Variants in CAB39L observed in about 807,000 individuals in gnomAD.
The protein encoded by CAB39L is calcium-binding protein 39-like.
Under a neutral mutation model 39.1 loss-of-function variants are expected in CAB39L, and 23 were observed. That is an observed-to-expected ratio of 0.59 (90% confidence interval 0.42 to 0.83). The LOEUF is 0.83. CAB39L is among the 40% of genes least tolerant of loss of function. The pLI is 0.00. For missense variants in CAB39L, 366 were observed against 391.9 expected, an observed-to-expected ratio of 0.93 and a Z score of 0.56; for synonymous variants, 126 against 137.2, an observed-to-expected ratio of 0.92 and a Z score of 0.57.
At chr13:49,410,464 T>C (rs927098341) in intron 3 of CAB39L, among the ~76,000 whole-genome samples, 5 of 152,162 alleles carry the variant, frequency 3.3e-5, no homozygotes, top group Admixed American at 6.6e-5. Flanking sequence ...ATACAAAAAT[T>C]TTATGTTGGA....
chr13:49,386,151 C>CA (rs1289627356), intron 3 of CAB39L, among the ~76,000 whole-genome samples: 3 of 152,134 alleles, frequency 2.0e-5, no homozygotes, highest in African/African-American at 7.2e-5. Context: ...GACATCAAAA[C>CA]AGAGTACAAA....
At chr13:49,434,860 G>T (rs946607775) in intron 1 of CAB39L, among the ~76,000 whole-genome samples, 2 of 151,206 alleles carry the variant, frequency 1.3e-5, no homozygotes, top group Admixed American at 1.3e-4. Context: ...TTTGTGTGTG[G>T]TTATGTCACC....
intron 3 of CAB39L, among the ~76,000 whole-genome samples, chr13:49,424,174 G>A (rs1201993292): frequency 6.6e-6 from 1 of 152,126 alleles, no homozygotes; most frequent in African/African-American, 2.4e-5. Flanking sequence ...ATGAAAAGAG[G>A]GGTAATGGAA....
intron 10 of CAB39L, among the ~76,000 whole-genome samples, chr13:49,329,541 AAAAATATATAT>A (rs1469639945): frequency 2.2e-4 from 8 of 36,488 alleles, no homozygotes; most frequent in Non-Finnish European, 2.7e-4. Flanking sequence ...AATTAAAAAA[AAAAATATATAT>A]ATATATATAT....
intron 3 of CAB39L, among the ~76,000 whole-genome samples, 161 bp from the exon 4 acceptor site, chr13:49,383,102 T>C (rs1203351427): frequency 1.3e-5 from 2 of 152,084 alleles, no homozygotes; most frequent in Non-Finnish European, 2.9e-5. Flanking sequence ...CAAATTTAAA[T>C]ACATATATTT....
chr13:49,349,793 T>C (rs2138463246), intron 7 of CAB39L, among the ~76,000 whole-genome samples: 1 of 152,248 alleles, frequency 6.6e-6, no homozygotes, highest in East Asian at 1.9e-4. Context: ...TTTGCCATTA[T>C]TGAAAAATGA....
chr13:49,409,460 A>C (rs901850995), intron 3 of CAB39L, among the ~76,000 whole-genome samples: 1 of 152,068 alleles, frequency 6.6e-6, no homozygotes, highest in Non-Finnish European at 1.5e-5. Flanking sequence ...TAAAAAAAAA[A>C]AAAAAACCTT....
intron 7 of CAB39L, among the ~76,000 whole-genome samples, chr13:49,346,091 T>TGCTAGATATATATATATAC (rs1955151993): frequency 1.2e-5 from 1 of 86,790 alleles, no homozygotes; most frequent in African/African-American, 4.3e-5. Context: ...TATATATATA[T>TGCTAGATATATATATATAC]ATATGCTAGA....
chr13:49,331,920 A>G, intron 10 of CAB39L, 27 bp downstream of exon 10: 1 of 1,610,688 alleles, frequency 6.2e-7, no homozygotes, highest in Non-Finnish European at 8.5e-7. Context: ...TGCCTACAAC[A>G]TTGTTTCCAG....
chr13:49,423,264 G>A (rs1957198849), intron 3 of CAB39L, among the ~76,000 whole-genome samples: 3 of 152,208 alleles, frequency 2.0e-5, no homozygotes, highest in African/African-American at 7.2e-5. Context: ...AAGTCCCCAG[G>A]GGACGTTGAT....
chr13:49,424,102 G>C (rs978660196), intron 3 of CAB39L, among the ~76,000 whole-genome samples: 17 of 152,196 alleles, frequency 1.1e-4, no homozygotes, highest in Non-Finnish European at 2.4e-4. Context: ...TTAGCAGGTG[G>C]AACATAACTC....
intron 9 of CAB39L, among the ~76,000 whole-genome samples, chr13:49,338,037 G>A (rs983948121): frequency 9.2e-5 from 14 of 152,196 alleles, no homozygotes; most frequent in Admixed American, 5.9e-4. Flanking sequence ...GCTATTTACG[G>A]GTAATTGAGA....
In CAB39L at chr13:49,344,521, A is replaced by ATT. The variant is rs369905242; in HGVS notation, c.565-285_565-284dup. 3.4e-3 allele frequency among the ~76,000 whole-genome samples: 465 copies of ATT among 135,974 alleles called. 6 individuals carry two copies. The highest frequency in any genetic ancestry group is 8.1e-3 in the African/African-American group (293 of 36,166). 89.2% of individuals were successfully genotyped at this position (135,974 alleles called of 152,430 possible). ...AACAAATGGAACTTGAGATGAGTTA[A>ATT]TTTTTTTTTTTTTTTTTTGAGATGG... On this transcript the variant is annotated intron_variant, in intron 7 of 10. Coordinates refer to ENST00000409308, the MANE Select transcript of CAB39L (RefSeq NM_001079670.3).
rs564709672 is a variant in CAB39L at position 49,436,899 on chromosome 13, G to A, written c.-245-2676C>T. ...CTTTAGTGCTATAGTTGGATGTTTC[G>A]GGAAGACTTTTCATCAGCTAAAATT... is the stretch of plus-strand genomic sequence containing the variant. On this transcript the variant is annotated intron_variant, in intron 1 of 10. Transcript: ENST00000409308. Among the ~76,000 whole-genome samples, 18 of 151,674 alleles carry A rather than the reference G, an allele frequency of 1.2e-4. No individual in the cohort carries two copies. The South Asian group carries it at 1.2e-3, about 11-fold the overall frequency.
chr13:49,367,054 C>T (rs1296124733), intron 5 of CAB39L, among the ~76,000 whole-genome samples: 2 of 152,040 alleles, frequency 1.3e-5, no homozygotes, highest in African/African-American at 2.4e-5. Flanking sequence ...GGTGGGGTGG[C>T]TCATGCCTAT....
intron 4 of CAB39L, among the ~76,000 whole-genome samples, chr13:49,382,170 C>CA (rs35419933): frequency 6.6e-6 from 1 of 151,796 alleles, no homozygotes; most frequent in Admixed American, 6.6e-5. Flanking sequence ...TTTATACTTG[C>CA]AAAAAAGCCA....
At chr13:49,345,870 A>G (rs1955138025) in intron 7 of CAB39L, among the ~76,000 whole-genome samples, 1 of 151,856 alleles carries the variant, frequency 6.6e-6, no homozygotes, top group African/African-American at 2.4e-5. Context: ...GGCAACAAAA[A>G]GAGCAGGTTG....
intron 1 of CAB39L, among the ~76,000 whole-genome samples, chr13:49,442,391 A>G (rs997268362): frequency 4.6e-5 from 7 of 152,214 alleles, no homozygotes; most frequent in African/African-American, 1.7e-4. Context: ...GTTTCTTAGA[A>G]AAGGTCAAAA....
intron 1 of CAB39L, among the ~76,000 whole-genome samples, chr13:49,435,964 C>T (rs539564530): frequency 6.6e-6 from 1 of 152,162 alleles, no homozygotes; most frequent in Non-Finnish European, 1.5e-5. Context: ...CCCGCTTTGT[C>T]GCTTGCCTTT....
Sources: gnomAD v4.1 joint callset for allele counts (sites outside exome capture counted in the v4.1 genomes callset) on GRCh38, gnomAD v4.1.1 for gene constraint, MANE v1.5 for transcripts, NCBI Gene and HGNC (gene_info 2026-07-23, HGNC 2026-07-21) for gene names.